SPEF2: variants seen among roughly 807,000 people sequenced by gnomAD.
SPEF2 encodes the protein sperm flagellar and cilia associated 2.
In SPEF2, 187 loss-of-function variants were observed where a neutral mutation model predicts 224.6. That is an observed-to-expected ratio of 0.83 (90% CI 0.74 to 0.94). The LOEUF is 0.94. SPEF2 is among the 40% of genes least tolerant of loss of function. The pLI is 0.00. For missense variants in SPEF2, 2,170 were observed against 2,135.6 expected (o/e 1.02, Z -0.32); for synonymous variants, 715 against 707.3 (o/e 1.01, Z -0.17).
intron 32 of SPEF2, among the ~76,000 whole-genome samples, chr5:35,793,933 T>C (rs1032042593): frequency 2.6e-5 from 4 of 152,204 alleles, no homozygotes; most frequent in Non-Finnish European, 5.9e-5. Flanking sequence ...TAAGTGGTTA[T>C]TGAATTTATG....
At chr5:35,749,625 A>G (rs1200112469) in intron 23 of SPEF2, among the ~76,000 whole-genome samples, 1 of 152,132 alleles carries the variant, frequency 6.6e-6, no homozygotes, top group Non-Finnish European at 1.5e-5. Context: ...AAAATGAAAT[A>G]CTTAGGAATA....
At chr5:35,636,383 G>C (rs1745835630) in intron 2 of SPEF2, among the ~76,000 whole-genome samples, 1 of 152,106 alleles carries the variant, frequency 6.6e-6, no homozygotes, top group South Asian at 2.1e-4. Flanking sequence ...CCAAAGGTGA[G>C]AGATTTGGAC....
In SPEF2 at chr5:35,800,538, A is replaced by T. The variant is rs540067946; in HGVS notation, c.5010+391A>T. ...TCAGGTCTACATGCACACCACATAT[A>T]TGGGGCTTGGTAGTGTTTCAGACCA... On this transcript the variant is annotated intron_variant, in intron 34 of 36. Coordinates refer to ENST00000356031, the MANE Select transcript of SPEF2 (RefSeq NM_024867.4). Among the ~76,000 whole-genome samples the T allele has an allele frequency of 4.1e-4, 63 of 152,326 alleles. 1 individual carries two copies. Among genetic ancestry groups the T allele is most frequent in the African/African-American group, 1.4e-3 (59 of 41,578 alleles).
Position 35,691,102 on chromosome 5 carries a change from C to G in SPEF2, c.1590C>G (p.Cys530Trp). The part of the protein sequence containing the change: ...MVDNLPPSNN[C>W]ILGHILHRLA... ...ACAATTTACCACCCTCCAACAATTGCATACTGGGCCATATTCTTCACAGGC... is the reference window on the plus strand; with the variant it reads ...ACAATTTACCACCCTCCAACAATTGGATACTGGGCCATATTCTTCACAGGC... Residue 530 changes from cysteine to tryptophan, a missense_variant, in exon 11 of 37, where the codon TGC (cysteine) becomes TGG (tryptophan). Transcript: ENST00000356031. The G allele has an allele frequency of 6.2e-7, 1 of 1,614,052 alleles. No individual in the cohort carries two copies. The highest frequency in any genetic ancestry group is 8.5e-7 in the Non-Finnish European group (1 of 1,179,976).
At chr5:35,808,268 A>G (rs1021854270) in intron 36 of SPEF2, 2 of 663,058 alleles carry the variant, frequency 3.0e-6, no homozygotes, top group Non-Finnish European at 3.7e-6. Flanking sequence ...TTTTAATTAT[A>G]CTTTAAGTTC....
rs775460222 is a variant in SPEF2 at position 35,670,224 on chromosome 5, T to C, written c.1521T>C (p.Tyr507=). 1 of 1,602,614 alleles carries C rather than the reference T, an allele frequency of 6.2e-7. No homozygotes were observed. The highest frequency in any genetic ancestry group is 1.7e-5 in the Admixed American group (1 of 57,882). ...TAGATACCAATGATTATGAAGAATA[T>C]AAGGTACCTACTGATATGAAATAAT... The part of the protein sequence containing the change: ...DLLDTNDYEE[Y]KNMVGEWALP... The change falls in exon 10 of 37, where the codon TAT becomes TAC. Residue 507 remains tyrosine (Y), a synonymous_variant. Coordinates refer to ENST00000356031, the MANE Select transcript of SPEF2 (RefSeq NM_024867.4).
intron 21 of SPEF2, among the ~76,000 whole-genome samples, chr5:35,734,551 C>G (rs1278786937): frequency 1.3e-5 from 2 of 152,086 alleles, no homozygotes; most frequent in Non-Finnish European, 2.9e-5. Context: ...TGCCTGTGAC[C>G]CACAGGCCAT....
At chr5:35,763,387 A>G (rs899351339) in intron 25 of SPEF2, 135 bp from the exon 26 acceptor site, 4 of 837,736 alleles carry the variant, frequency 4.8e-6, no homozygotes, top group Non-Finnish European at 6.9e-6. Context: ...TTTCTCCATT[A>G]AAATAATTCT....
intron 8 of SPEF2, among the ~76,000 whole-genome samples, chr5:35,662,219 G>T (rs1378321701): frequency 6.6e-6 from 1 of 152,072 alleles, no homozygotes; most frequent in Non-Finnish European, 1.5e-5. Context: ...CCATTTGTAT[G>T]TCTTCTTTTG....
intron 25 of SPEF2, 28 bp downstream of exon 25, chr5:35,759,747 A>T: frequency 6.7e-7 from 1 of 1,490,782 alleles, no homozygotes; most frequent in Non-Finnish European, 9.1e-7. Context: ...ATCACACTGT[A>T]ATTGTTTTGA....
chr5:35,720,766 G>A (rs7446652), intron 20 of SPEF2, among the ~76,000 whole-genome samples: 105,710 of 151,926 alleles, frequency 0.7, 37,783 homozygotes, highest in Middle Eastern at 0.8. Context: ...CATCATTTTG[G>A]CAATCCCACG....
rs1391893424 is a variant in SPEF2, at chr5:35,692,569, G to C, written c.1745-1G>C. The C allele has an allele frequency of 1.3e-6, 2 of 1,582,482 alleles. No homozygotes were observed. Among genetic ancestry groups the C allele is most frequent in the East Asian group, 2.2e-5 (1 of 44,616 alleles). ...TTATAAAATTATCTTTTGTACTTTA[G>C]ACTTTCCTATACAGATACTTTCTAT... On this transcript the variant is annotated splice_acceptor_variant, in intron 11 of 36. Transcript: ENST00000356031. LOFTEE classifies it high-confidence loss of function.
At chr5:35,618,101 C>T (rs1330418743) in intron 1 of SPEF2, 46 bp downstream of exon 1, 2 of 1,549,866 alleles carry the variant, frequency 1.3e-6, no homozygotes, top group Admixed American at 3.7e-5. Context: ...GCTAGCGGGG[C>T]GCAGAGCCTG....
In SPEF2 at chr5:35,646,693, T is replaced by A; in HGVS notation, c.612T>A (p.Asn204Lys). 4 of 1,613,646 alleles carry A rather than the reference T, an allele frequency of 2.5e-6. No homozygotes were observed. The highest frequency in any genetic ancestry group is 3.4e-6 in the Non-Finnish European group (4 of 1,179,818). ...AATACTTAAACAGAAGACGACAAAA[T>A]GAAATAATGGCCAAAATCCAAGCAG... ...EKQYLNRRRQ[N>K]EIMAKIQAAI... Residue 204 changes from asparagine to lysine, a missense_variant, in exon 5 of 37, where the codon AAT (asparagine) becomes AAA (lysine). Asn to Lys is a moderately conservative substitution (Grantham distance 94, BLOSUM62 0). Coordinates refer to ENST00000356031, the MANE Select transcript of SPEF2 (RefSeq NM_024867.4).
rs758754235 is a variant in SPEF2 at position 35,628,513 on chromosome 5, C to A, written c.112C>A (p.Leu38Ile). Residue 38 changes from leucine to isoleucine, a missense_variant, in exon 2 of 37, where the codon CTA becomes ATA. Transcript: ENST00000356031. ...CAGTGGCTATCTACTTGGAGAAGTT[C>A]TACACAAGTTTGAACTTCAGGATGA... Reference protein sequence around the residue: ...FSSGYLLGEVLHKFELQDDFS... With the variant: ...FSSGYLLGEVIHKFELQDDFS... 3 of 1,613,938 alleles carry A rather than the reference C, an allele frequency of 1.9e-6. No individual in the cohort carries two copies. In the African/African-American group the frequency reaches 4.0e-5, roughly 22 times the overall value.
At chr5:35,723,511 G>T (rs957527252) in intron 20 of SPEF2, among the ~76,000 whole-genome samples, 2 of 152,118 alleles carry the variant, frequency 1.3e-5, no homozygotes, top group Non-Finnish European at 2.9e-5. Context: ...CTCTATTGTA[G>T]CCACTGGAAA....
intron 29 of SPEF2, among the ~76,000 whole-genome samples, chr5:35,777,466 C>T (rs1753754004): frequency 6.6e-6 from 1 of 152,052 alleles, no homozygotes; most frequent in South Asian, 2.1e-4. Context: ...TGTTCTCTGC[C>T]TGCTATTTTG....
At chr5:35,750,992 T>TATAC (rs1554048566) in intron 23 of SPEF2, among the ~76,000 whole-genome samples, 2 of 106,088 alleles carry the variant, frequency 1.9e-5, no homozygotes, top group Admixed American at 1.1e-4. Context: ...GCTATATATA[T>TATAC]ATATGTATAT....
intron 15 of SPEF2, chr5:35,699,168 C>T (rs1236813316): frequency 1.3e-5 from 2 of 152,116 alleles, no homozygotes; most frequent in African/African-American, 4.8e-5. Context: ...CCCCTCCTTC[C>T]TTGTTACACT....
Sources: allele counts gnomAD v4.1 joint callset (sites outside exome capture counted in the v4.1 genomes callset), GRCh38; gene constraint gnomAD v4.1.1; transcripts MANE v1.5; gene names NCBI Gene and HGNC (gene_info 2026-07-23, HGNC 2026-07-21).